SKAP2: variants seen among roughly 807,000 people sequenced by gnomAD.
SKAP2 encodes the protein src kinase associated phosphoprotein 2, also known as src kinase-associated phosphoprotein 2.
In SKAP2, 28 loss-of-function variants were observed where a neutral mutation model predicts 54.9. The observed-to-expected ratio is 0.51, with a 90% CI of 0.38 to 0.70. The LOEUF is 0.70. Ranked by LOEUF, SKAP2 falls within the 30% of genes least tolerant of loss-of-function variation. The probability of loss-of-function intolerance (pLI) is 0.00; values close to 1 mark genes in which losing one functional copy is unlikely to be tolerated. For missense variants in SKAP2, 356 were observed against 424.1 expected, an observed-to-expected ratio of 0.84 and a Z score of 1.41; for synonymous variants, 137 against 134.3, an observed-to-expected ratio of 1.02 and a Z score of -0.14.
In SKAP2 at chr7:26,690,299, A is replaced by C; in HGVS notation, c.860T>G (p.Val287Gly). ...CAAGTCATTACCTGAGGTGTGATGG[A>C]CACTATCCTGACTCATCTTCCTTTG... ...EEQRKMSQDS[V>G]HHTSGDKSTD... Residue 287 changes from valine to glycine, a missense_variant, in exon 10 of 13, where the codon GTC (valine) becomes GGC (glycine). Val to Gly is a moderately radical substitution (Grantham distance 109). Coordinates refer to ENST00000345317, the MANE Select transcript of SKAP2 (RefSeq NM_003930.5). 6.2e-7 allele frequency: 1 copy of C among 1,609,320 alleles called. No individual in the cohort carries two copies. The highest frequency in any genetic ancestry group is 8.5e-7 in the Non-Finnish European group (1 of 1,175,682).
At chr7:26,847,849 T>C (rs536052178) in intron 3 of SKAP2, 2 of 152,348 alleles carry the variant, frequency 1.3e-5, no homozygotes, top group African/African-American at 2.4e-5. Context: ...GTCCCTGTTA[T>C]GTACTCACAA....
intron 9 of SKAP2, among the ~76,000 whole-genome samples, chr7:26,708,384 T>C (rs1308330945): frequency 6.6e-6 from 1 of 152,130 alleles, no homozygotes; most frequent in Admixed American, 6.5e-5. Flanking sequence ...AAAAAATGGG[T>C]TTAAATGTTG....
intron 10 of SKAP2, 71 bp from the exon 11 acceptor site, chr7:26,684,919 T>G: frequency 1.1e-6 from 1 of 885,196 alleles, no homozygotes; most frequent in South Asian, 1.5e-5. Flanking sequence ...AATTAACCAG[T>G]AGAAATTAAA....
intron 9 of SKAP2, among the ~76,000 whole-genome samples, chr7:26,713,612 T>C (rs1584346257): frequency 6.6e-6 from 1 of 151,828 alleles, no homozygotes; most frequent in East Asian, 1.9e-4. Context: ...TTTTTTTTTT[T>C]GTTTTTAGAT....
At chr7:26,762,263 T>C (rs531828287) in intron 4 of SKAP2, among the ~76,000 whole-genome samples, 165 of 152,158 alleles carry the variant, frequency 1.1e-3, no homozygotes, top group Admixed American at 2.3e-3. Context: ...AGTGAGACCC[T>C]GTCTCTAAAA....
At chr7:26,811,221 T>C (rs1338346893) in intron 4 of SKAP2, among the ~76,000 whole-genome samples, 6 of 152,184 alleles carry the variant, frequency 3.9e-5, no homozygotes, top group Non-Finnish European at 5.9e-5. Flanking sequence ...AGCTCCACCA[T>C]TATTTGCTGT....
chr7:26,842,153 C>T (rs1253709965), intron 4 of SKAP2, among the ~76,000 whole-genome samples: 2 of 151,492 alleles, frequency 1.3e-5, no homozygotes, highest in Non-Finnish European at 3.0e-5. Context: ...GTATCAAAAA[C>T]AGTATTATTT....
downstream of SKAP2, among the ~76,000 whole-genome samples, chr7:26,664,357 A>C (rs1174193658): frequency 6.6e-6 from 1 of 152,198 alleles, no homozygotes; most frequent in Non-Finnish European, 1.5e-5. Context: ...TACTAGTCTG[A>C]CTTAAACTGT....
At chr7:26,712,639 T>C (rs1437315038) in intron 9 of SKAP2, among the ~76,000 whole-genome samples, 31 of 152,180 alleles carry the variant, frequency 2.0e-4, no homozygotes, top group Admixed American at 2.0e-3. Flanking sequence ...TTTCCTTGTC[T>C]ATAAAACAGA....
At chr7:26,850,935 G>A (rs1222886336) in intron 3 of SKAP2, among the ~76,000 whole-genome samples, 2 of 151,932 alleles carry the variant, frequency 1.3e-5, no homozygotes, top group African/African-American at 4.8e-5. Flanking sequence ...AGCTTTCTAT[G>A]GAAATGAATA....
chr7:26,827,577 T>C (rs1391954036), intron 4 of SKAP2, among the ~76,000 whole-genome samples: 1 of 152,070 alleles, frequency 6.6e-6, no homozygotes, highest in Non-Finnish European at 1.5e-5. Context: ...AAATAAAAAG[T>C]CCAGCAATCA....
intron 4 of SKAP2, among the ~76,000 whole-genome samples, chr7:26,771,145 T>C (rs1783180897): frequency 2.0e-5 from 3 of 152,196 alleles, no homozygotes; most frequent in African/African-American, 4.8e-5. Context: ...AAAGCAAGTA[T>C]TGTTCCTGTG....
At chr7:26,754,217 A>G (rs1462846334) in intron 4 of SKAP2, among the ~76,000 whole-genome samples, 2 of 151,960 alleles carry the variant, frequency 1.3e-5, no homozygotes, top group African/African-American at 4.8e-5. Flanking sequence ...TACAAAAATT[A>G]GCAGGGCGTG....
downstream of SKAP2, among the ~76,000 whole-genome samples, chr7:26,665,234 GC>G (rs1786084930): frequency 6.6e-6 from 1 of 152,158 alleles, no homozygotes; most frequent in Non-Finnish European, 1.5e-5. Flanking sequence ...TAGATCACTT[GC>G]CCCAAGCTGC....
chr7:26,859,202 T>G (rs1785233721), intron 1 of SKAP2, among the ~76,000 whole-genome samples: 1 of 151,958 alleles, frequency 6.6e-6, no homozygotes, highest in African/African-American at 2.4e-5. Flanking sequence ...TCTGCTTTCA[T>G]TGAGATGTGC....
At chr7:26,710,816 T>G (rs532033039) in intron 9 of SKAP2, among the ~76,000 whole-genome samples, 46 of 152,264 alleles carry the variant, frequency 3.0e-4, no homozygotes, top group African/African-American at 1.0e-3. Flanking sequence ...AAATGAAAAA[T>G]TATTAACCGG....
At chr7:26,683,362 C>A (rs537673356) in intron 11 of SKAP2, among the ~76,000 whole-genome samples, 21 of 152,260 alleles carry the variant, frequency 1.4e-4, no homozygotes, top group African/African-American at 4.8e-4. Context: ...AAACATCTTT[C>A]TGGGAACAAC....
intron 4 of SKAP2, among the ~76,000 whole-genome samples, chr7:26,748,228 C>A (rs2127965273): frequency 6.6e-6 from 1 of 152,142 alleles, no homozygotes; most frequent in African/African-American, 2.4e-5. Context: ...GTTGGTCTAA[C>A]AATAAACCAC....
chr7:26,773,193 G>A (rs1285481624), intron 4 of SKAP2, among the ~76,000 whole-genome samples: 1 of 152,224 alleles, frequency 6.6e-6, no homozygotes, highest in African/African-American at 2.4e-5. Flanking sequence ...CACCCTTACT[G>A]TGGCTGTTAC....
Sources: gnomAD v4.1 joint callset for allele counts (sites outside exome capture counted in the v4.1 genomes callset) on GRCh38, gnomAD v4.1.1 for gene constraint, MANE v1.5 for transcripts, NCBI Gene and HGNC (gene_info 2026-07-23, HGNC 2026-07-21) for gene names.